Variants in ZNF460 observed in about 807,000 individuals in gnomAD.
The protein encoded by ZNF460 is zinc finger protein 272.
ZNF460 carries 1 observed loss-of-function variant against 8.4 expected under a neutral mutation model. That is an observed-to-expected ratio of 0.12 (90% CI 0.04 to 0.56). The LOEUF (loss-of-function observed/expected upper bound fraction) is 0.56. ZNF460 is among the 20% of genes least tolerant of loss of function. ZNF460 has a pLI of 0.91. For synonymous variants in ZNF460, 262 were observed against 259.9 expected (o/e 1.01, Z -0.08); for missense variants, 477 against 714.8 (o/e 0.67, Z 3.79).
Position 57,291,037 on chromosome 19 carries a change from G to A in ZNF460, c.496G>A (p.Glu166Lys), listed in dbSNP as rs201812505. The change falls in exon 3 of 3, where the codon GAA becomes AAA. Residue 166 changes from glutamate (E) to lysine (K), a missense_variant. Transcript: ENST00000360338. This position sits in a 1 kb window ranked among gnomAD's most constrained non-coding sequence, Gnocchi z 8.4. Reference sequence around the variant, plus strand: ...ACCAGTTACAGATTCCTTGATTCATGAAGGGGAAAATTCCTATAAATTCGA... The same window carrying A: ...ACCAGTTACAGATTCCTTGATTCATAAAGGGGAAAATTCCTATAAATTCGA... Reference protein sequence around the residue: ...YGPVTDSLIHEGENSYKFEEM... With the variant: ...YGPVTDSLIHKGENSYKFEEM... 6.8e-5 allele frequency: 110 copies of A among 1,614,200 alleles called. No homozygotes were observed. The highest frequency in any genetic ancestry group is 8.8e-5 in the Non-Finnish European group (104 of 1,180,026).
intron 1 of ZNF460, 133 bp from the exon 2 acceptor site, chr19:57,284,418 T>G: frequency 9.0e-7 from 1 of 1,106,036 alleles, no homozygotes. Flanking sequence ...CTAGCACAGA[T>G]CTTGGCCCTT....
intron 2 of ZNF460, among the ~76,000 whole-genome samples, chr19:57,288,208 T>C (rs1454924872): frequency 6.6e-6 from 1 of 152,084 alleles, no homozygotes; most frequent in Non-Finnish European, 1.5e-5. Context: ...ATAGAAATTT[T>C]CCCCTTTTTT....
At chr19:57,283,916 T>C (rs1440971327) in intron 1 of ZNF460, among the ~76,000 whole-genome samples, 1 of 152,022 alleles carries the variant, frequency 6.6e-6, no homozygotes, top group Non-Finnish European at 1.5e-5. Context: ...ATTTCAGGAA[T>C]TTGGTTTTAA....
intron 2 of ZNF460, 104 bp downstream of exon 2, chr19:57,284,781 G>C: frequency 2.4e-6 from 3 of 1,258,958 alleles, no homozygotes; most frequent in Non-Finnish European, 3.1e-6. Context: ...GGTCTTGGGA[G>C]CCAGCCCTCC....
chr19:57,283,426 C>G (rs1037282234), intron 1 of ZNF460, among the ~76,000 whole-genome samples: 1 of 150,902 alleles, frequency 6.6e-6, no homozygotes, highest in Non-Finnish European at 1.5e-5. Flanking sequence ...CCTCAGCCTC[C>G]GAAACTGCTG....
intron 1 of ZNF460, among the ~76,000 whole-genome samples, chr19:57,283,502 C>CTTTT (rs926242067): frequency 0.013 from 924 of 68,534 alleles, 98 homozygotes; most frequent in African/African-American, 0.034. Flanking sequence ...TTTGACTATT[C>CTTTT]TTTTTTTTTT....
At chr19:57,283,336 A>C (rs1434998789) in intron 1 of ZNF460, among the ~76,000 whole-genome samples, 1 of 150,528 alleles carries the variant, frequency 6.6e-6, no homozygotes, top group Non-Finnish European at 1.5e-5. Flanking sequence ...CACCCAGCTA[A>C]TTTTTGTATT....
chr19:57,286,962 CAAAA>C (rs35363381), intron 2 of ZNF460, among the ~76,000 whole-genome samples: 4 of 102,270 alleles, frequency 3.9e-5, no homozygotes, highest in Admixed American at 1.0e-4. Flanking sequence ...GACTCTGTCT[CAAAA>C]AAAAAAAAAA....
intron 1 of ZNF460, among the ~76,000 whole-genome samples, chr19:57,281,516 C>T (rs940251799): frequency 6.8e-6 from 1 of 146,918 alleles, no homozygotes; most frequent in Non-Finnish European, 1.5e-5. Flanking sequence ...GTGGGCTGAT[C>T]GGTGAGTATT....
chr19:57,292,149 T>C lies in ZNF460; in HGVS notation c.1608T>C (p.Asn536=). 6.2e-7 allele frequency: 1 copy of C among 1,614,196 alleles called. No individual in the cohort carries two copies. The highest frequency in any genetic ancestry group is 8.5e-7 in the Non-Finnish European group (1 of 1,180,040). Residue 536 remains asparagine, a synonymous_variant, in exon 3 of 3, where the codon AAT becomes AAC. Transcript: ENST00000360338. ...AGAGTAGCCCAGTGAGTGCAGTGAA[T>C]ATGGAAACGCCTTCAATTGCCGCTC... The part of the protein sequence containing the change: ...HTESSPVSAV[N]METPSIAAHS...
In ZNF460 at chr19:57,292,065, G is replaced by C. The variant is rs1339733182; in HGVS notation, c.1524G>C (p.Gln508His). ...CAGAGAAGTCCCACGAACCCATCCA[G>C]AGTGGGAACGTTTCTTGTGAGAGCA... ...HTAEKSHEPI[Q>H]SGNVSCESTD... Residue 508 changes from glutamine to histidine, a missense_variant, in exon 3 of 3, where the codon CAG becomes CAC. This residue lies in a region of ZNF460 where 83 missense variants were observed against 82.3 expected (regional missense o/e 1.01). Coordinates refer to ENST00000360338, the MANE Select transcript of ZNF460 (RefSeq NM_006635.4). 3 of 1,614,194 alleles carry C rather than the reference G, an allele frequency of 1.9e-6. No homozygotes were observed. The highest frequency in any genetic ancestry group is 1.7e-6 in the Non-Finnish European group (2 of 1,180,040).
At position 57,281,263 on chromosome 19, in the gene ZNF460, A is replaced by T. The variant is rs141397528; in HGVS notation, c.30+427A>T. ...CTTTTACTTCGAACACTGCCCCTGTAACTTTGCAGGGCCTCCCTTTCACAT... is the reference window on the plus strand; with the variant it reads ...CTTTTACTTCGAACACTGCCCCTGTTACTTTGCAGGGCCTCCCTTTCACAT... On this transcript the variant is annotated intron_variant, in intron 1 of 2. Transcript: ENST00000360338. Among the ~76,000 whole-genome samples, 1,211 of 152,232 alleles carry T rather than the reference A, an allele frequency of 8.0e-3. 13 individuals are homozygous for T. The highest frequency in any genetic ancestry group is 0.028 in the African/African-American group (1,149 of 41,528).
chr19:57,285,711 A>C (rs1013552806), intron 2 of ZNF460, among the ~76,000 whole-genome samples: 1 of 152,108 alleles, frequency 6.6e-6, no homozygotes, highest in African/African-American at 2.4e-5. Flanking sequence ...GTTCCCTCCC[A>C]GTTTTTTATT....
At chr19:57,286,116 ACTTTG>A (rs2087877646) in intron 2 of ZNF460, among the ~76,000 whole-genome samples, 1 of 152,190 alleles carries the variant, frequency 6.6e-6, no homozygotes, top group Admixed American at 6.5e-5. Context: ...GTTTCATTGT[ACTTTG>A]CTTTACTGCA....
intron 1 of ZNF460, chr19:57,281,809 A>G (rs1156551284): frequency 6.6e-6 from 1 of 151,964 alleles, no homozygotes; most frequent in Non-Finnish European, 1.5e-5. Flanking sequence ...CAGGTGATCC[A>G]CCCATCTGGG....
At chr19:57,285,300 G>C (rs1177675428) in intron 2 of ZNF460, among the ~76,000 whole-genome samples, 2 of 152,192 alleles carry the variant, frequency 1.3e-5, no homozygotes, top group African/African-American at 4.8e-5. Context: ...ACTAATACTG[G>C]TTGTCTGGTG....
Position 57,291,589 on chromosome 19 carries a change from C to T in ZNF460, c.1048C>T (p.His350Tyr). Residue 350 changes from histidine to tyrosine, a missense_variant, in exon 3 of 3, where the codon CAC becomes TAC. Physicochemically the swap from His to Tyr is moderately conservative, Grantham distance 83. Coordinates refer to ENST00000360338, the MANE Select transcript of ZNF460 (RefSeq NM_006635.4). The surrounding 1 kb of genome is among the most constrained non-coding windows in gnomAD (Gnocchi z 8.4). The part of the protein sequence containing the change: ...ECGKAFNCRS[H>Y]LKQHERIHTG... The stretch of plus-strand genomic sequence containing the variant: ...TGGGAAGGCCTTCAACTGCAGGTCA[C>T]ACCTCAAGCAGCATGAGCGGATTCA... 2 of 1,614,008 alleles carry T rather than the reference C, an allele frequency of 1.2e-6. No individual in the cohort carries two copies. Among genetic ancestry groups the T allele is most frequent in the Non-Finnish European group, 1.7e-6 (2 of 1,180,018 alleles).
At chr19:57,286,563 G>T (rs1285545883) in intron 2 of ZNF460, among the ~76,000 whole-genome samples, 1 of 152,134 alleles carries the variant, frequency 6.6e-6, no homozygotes, top group Admixed American at 6.6e-5. Context: ...TGGGAGGATT[G>T]CTTCAGGCCA....
chr19:57,291,403 G>A lies in ZNF460; in HGVS notation c.862G>A (p.Ala288Thr). 1.2e-6 allele frequency: 2 copies of A among 1,614,080 alleles called. No individual in the cohort carries two copies. Residue 288 changes from alanine (A) to threonine (T), a missense_variant, in exon 3 of 3, where the codon GCC (alanine) becomes ACC (threonine). This residue lies in a region of ZNF460 where 193 missense variants were observed against 391.7 expected (regional missense o/e 0.49). Transcript: ENST00000360338. This position sits in a 1 kb window ranked among gnomAD's most constrained non-coding sequence, Gnocchi z 8.4. ...TTTTGTGTGCAATGAATGTGGAAAG[G>A]CCTTTACCTACCGCTCCAATTTTGT... is the stretch of plus-strand genomic sequence containing the variant. ...KPFVCNECGKAFTYRSNFVLH... is the reference protein window; with the variant it reads ...KPFVCNECGKTFTYRSNFVLH...
Sources: allele counts gnomAD v4.1 joint callset (sites outside exome capture counted in the v4.1 genomes callset), GRCh38; gene constraint gnomAD v4.1.1; regional missense constraint gnomAD v4.1.1; non-coding constraint Gnocchi (gnomAD v3.1); transcripts MANE v1.5; gene names NCBI Gene and HGNC (gene_info 2026-07-23, HGNC 2026-07-21).